Variants in WDR4 observed in about 807,000 individuals in gnomAD.
WDR4 encodes the protein WDR4 tRNA N7-guanosine methyltransferase non-catalytic subunit.
A neutral mutation model predicts 48.6 loss-of-function variants in WDR4; 47 were observed. The ratio of observed to expected loss-of-function variants is 0.97; its 90% CI spans 0.77 to 1.23. The LOEUF (loss-of-function observed/expected upper bound fraction) is 1.23. Among genes scored for constraint, WDR4 ranks in the 50% most tolerant of loss-of-function variants. The pLI is 0.00. For missense variants in WDR4, 606 were observed against 551.6 expected, an observed-to-expected ratio of 1.10 and a Z score of -0.99; for synonymous variants, 268 against 230.0, an observed-to-expected ratio of 1.17 and a Z score of -1.49.
chr21:42,859,165 G>A (rs566142670), intron 6 of WDR4, among the ~76,000 whole-genome samples: 5 of 152,102 alleles, frequency 3.3e-5, no homozygotes, highest in South Asian at 2.1e-4. Context: ...TGTGGTCCCA[G>A]CTACTTGGGA....
chr21:42,853,793 G>A, intron 8 of WDR4, 41 bp from the exon 9 acceptor site: 2 of 1,526,474 alleles, frequency 1.3e-6, no homozygotes, highest in Non-Finnish European at 1.8e-6. Context: ...AGGACTGCAG[G>A]CCCACGGGCT....
chr21:42,868,404 T>C (rs950868649), intron 3 of WDR4, among the ~76,000 whole-genome samples: 1 of 152,208 alleles, frequency 6.6e-6, no homozygotes. Flanking sequence ...GCCGCAGCAC[T>C]GTCCAGACTT....
chr21:42,852,879 T>C (rs373753850), intron 9 of WDR4, among the ~76,000 whole-genome samples: 4 of 149,278 alleles, frequency 2.7e-5, no homozygotes, highest in Non-Finnish European at 4.4e-5. Flanking sequence ...AGCGCCATTG[T>C]ACTCCAGCCT....
At chr21:42,850,956 G>A (rs1411130432) in intron 10 of WDR4, among the ~76,000 whole-genome samples, 1 of 152,154 alleles carries the variant, frequency 6.6e-6, no homozygotes, top group Non-Finnish European at 1.5e-5. Context: ...CCTGAAGCCT[G>A]CCCATCCAGC....
At chr21:42,873,955 C>A (rs1274847724) in intron 2 of WDR4, among the ~76,000 whole-genome samples, 1 of 152,206 alleles carries the variant, frequency 6.6e-6, no homozygotes, top group Non-Finnish European at 1.5e-5. Flanking sequence ...CTCAATGACA[C>A]ATGGCCCTCT....
chr21:42,866,058 G>A (rs1571740), intron 3 of WDR4, among the ~76,000 whole-genome samples: 91,118 of 152,020 alleles, frequency 0.6, 28,101 homozygotes, highest in African/African-American at 0.71. Context: ...CCTTTCCCAC[G>A]TGCTGCCGTG....
chr21:42,879,356 G>A lies in WDR4; in HGVS notation c.89+51C>T, dbSNP rs1487001696. 1.3e-5 allele frequency: 20 copies of A among 1,594,858 alleles called. 1 individual carries two copies. The South Asian group carries it at 1.7e-4, about 13-fold the overall frequency. ...GGGAGAAGCGGGGTCGCCAGGACCC[G>A]ACGCGCGCCCGCAGCCTGGTCTCCC... is the stretch of plus-strand genomic sequence containing the variant. On this transcript the variant is annotated intron_variant, in intron 1 of 10. Coordinates refer to ENST00000398208, the MANE Select transcript of WDR4 (RefSeq NM_018669.6).
At chr21:42,844,314 T>TA (rs2057691969), downstream of WDR4, among the ~76,000 whole-genome samples, 1 of 151,864 alleles carries the variant, frequency 6.6e-6, no homozygotes, top group South Asian at 2.1e-4. Flanking sequence ...ACACATACCC[T>TA]AAAGCTTATC....
intron 6 of WDR4, among the ~76,000 whole-genome samples, chr21:42,858,890 C>A (rs1305940859): frequency 6.6e-6 from 1 of 152,194 alleles, no homozygotes; most frequent in Non-Finnish European, 1.5e-5. Flanking sequence ...AAAGGACCAA[C>A]ACAGACAACA....
At chr21:42,861,214 T>C (rs2058107193) in intron 5 of WDR4, among the ~76,000 whole-genome samples, 1 of 151,072 alleles carries the variant, frequency 6.6e-6, no homozygotes, top group East Asian at 2.0e-4. Flanking sequence ...CTTGGGAGGC[T>C]GAGGCAGGAG....
At position 42,853,572 on chromosome 21, in the gene WDR4, C is replaced by T. The variant is rs1471580049; in HGVS notation, c.972G>A (p.Trp324Ter). 2 of 1,607,828 alleles carry T rather than the reference C, an allele frequency of 1.2e-6. No individual in the cohort carries two copies. Among genetic ancestry groups the T allele is most frequent in the Non-Finnish European group, 1.7e-6 (2 of 1,177,160 alleles). ...LVLYRPVGDQ[W>*]QSVPESTVLK... ...TCTGGAAGGTGCCGAGTCTCACCTG[C>T]CACTGGTCGCCCACAGGCCTGTAGA... The change falls in exon 9 of 11, where the codon TGG (tryptophan) becomes TGA (stop). Residue 324 changes from tryptophan (W) to a stop codon, truncating the protein, a stop_gained. Coordinates refer to ENST00000398208, the MANE Select transcript of WDR4 (RefSeq NM_018669.6). LOFTEE classifies it high-confidence loss of function.
intron 6 of WDR4, among the ~76,000 whole-genome samples, chr21:42,856,801 A>G (rs564989270): frequency 1.3e-5 from 2 of 152,310 alleles, no homozygotes; most frequent in South Asian, 4.1e-4. Flanking sequence ...ACGCACACAC[A>G]CACACCTTTC....
upstream of WDR4, among the ~76,000 whole-genome samples, chr21:42,883,197 C>T (rs1429622318): frequency 6.7e-6 from 1 of 148,742 alleles, no homozygotes; most frequent in Non-Finnish European, 1.5e-5. Flanking sequence ...ATCACTTGAA[C>T]CGAGGAGGTG....
chr21:42,871,020 G>T (rs758541402), intron 3 of WDR4, among the ~76,000 whole-genome samples: 1 of 152,166 alleles, frequency 6.6e-6, no homozygotes, highest in South Asian at 2.1e-4. Context: ...TATTTGGATA[G>T]GACCTTTACA....
At chr21:42,850,918 C>A (rs1033641923) in intron 10 of WDR4, among the ~76,000 whole-genome samples, 2 of 152,200 alleles carry the variant, frequency 1.3e-5, no homozygotes, top group Admixed American at 1.3e-4. Flanking sequence ...ACCACAGGCC[C>A]AGCCGGTAAC....
chr21:42,867,583 A>C (rs2058277350), intron 3 of WDR4, among the ~76,000 whole-genome samples: 1 of 152,062 alleles, frequency 6.6e-6, no homozygotes, highest in African/African-American at 2.4e-5. Flanking sequence ...AGCATCCCTA[A>C]CCTAAAAATC....
intron 6 of WDR4, 79 bp downstream of exon 6, chr21:42,859,583 C>CAGCGATCCACAGGGGCA: frequency 4.4e-6 from 6 of 1,377,400 alleles, no homozygotes; most frequent in Non-Finnish European, 6.0e-6. Flanking sequence ...CCACAGGGGC[C>CAGCGATCCACAGGGGCA]AGGTCCAGGA....
rs371266392 is a variant in WDR4, at chr21:42,879,506, G to A, written c.-11C>T. 34 of 1,612,616 alleles carry A rather than the reference G, an allele frequency of 2.1e-5. No individual in the cohort carries two copies. In the Admixed American group the frequency reaches 2.2e-4, roughly 10 times the overall value. On this transcript the variant is annotated 5_prime_UTR_variant, in exon 1 of 11. Transcript: ENST00000398208. ...CACAGAGCCCGCCATGTACCCGCCC[G>A]CCTCACCGCCATACACATGTGCCAG...
rs762809233 is a variant in WDR4 at position 42,876,770 on chromosome 21, A to G, written c.90-3T>C. On this transcript the variant is annotated splice_polypyrimidine_tract_variant and splice_region_variant and intron_variant, in intron 1 of 10. Coordinates refer to ENST00000398208, the MANE Select transcript of WDR4 (RefSeq NM_018669.6). Reference sequence around the variant, plus strand: ...AGATGAAGAGGCTGTCATCATCACTAAAGAGAAATAACAATAATTTTAAAA... The same window carrying G: ...AGATGAAGAGGCTGTCATCATCACTGAAGAGAAATAACAATAATTTTAAAA... 15 of 1,606,624 alleles carry G rather than the reference A, an allele frequency of 9.3e-6. No individual in the cohort carries two copies. In the Admixed American group the frequency reaches 2.4e-4, roughly 26 times the overall value.
Sources: gnomAD v4.1 joint callset for allele counts (sites outside exome capture counted in the v4.1 genomes callset) on GRCh38, gnomAD v4.1.1 for gene constraint, MANE v1.5 for transcripts, NCBI Gene and HGNC (gene_info 2026-07-23, HGNC 2026-07-21) for gene names.